The following RAD51B variants were observed in gnomAD, a reference collection of about 807,000 sequenced individuals.
RAD51B encodes DNA repair protein RAD51 homolog 2.
A neutral mutation model predicts 42.2 loss-of-function variants in RAD51B; 38 were observed. The ratio of observed to expected loss-of-function variants is 0.90; its 90% CI spans 0.70 to 1.18. The LOEUF (loss-of-function observed/expected upper bound fraction) is 1.18. Ranked by LOEUF, RAD51B falls within the 50% of genes most tolerant of loss-of-function variation. The pLI is 0.00. For synonymous variants in RAD51B, 154 were observed against 145.2 expected (o/e 1.06, Z -0.43); for missense variants, 373 against 400.7 (o/e 0.93, Z 0.59).
chr14:68,286,282 T>C (rs76257021), intron 7 of RAD51B, among the ~76,000 whole-genome samples: 1 of 152,182 alleles, frequency 6.6e-6, no homozygotes, highest in East Asian at 1.9e-4. Context: ...AAAATGGGGA[T>C]TACAAAATTT....
At chr14:68,434,364 G>T (rs957928424) in intron 9 of RAD51B, among the ~76,000 whole-genome samples, 1 of 152,170 alleles carries the variant, frequency 6.6e-6, no homozygotes, top group Non-Finnish European at 1.5e-5. Context: ...GAAGCAGGCA[G>T]GCCTCCTTGA....
chr14:68,422,991 T>C (rs2084746689), intron 9 of RAD51B, among the ~76,000 whole-genome samples: 1 of 152,190 alleles, frequency 6.6e-6, no homozygotes, highest in Non-Finnish European at 1.5e-5. Context: ...AAGTTTCTCT[T>C]CTTACCTTGG....
At chr14:68,580,518 C>G (rs1335020658) in intron 10 of RAD51B, among the ~76,000 whole-genome samples, 1 of 152,166 alleles carries the variant, frequency 6.6e-6, no homozygotes, top group East Asian at 1.9e-4. Flanking sequence ...GTGTTTGGGA[C>G]AGTGACCCGC....
In RAD51B at chr14:68,374,843, A is replaced by G. The variant is rs569885809; in HGVS notation, c.854-36581A>G. ...CTGAAACCGTAAAGAGCTCAGTTTT[A>G]CCTGCGCTGAGGGATCACTAAATTC... On this transcript the variant is annotated intron_variant, in intron 8 of 10. Coordinates refer to ENST00000471583, the MANE Select transcript of RAD51B (RefSeq NM_133510.4). 6.8e-4 allele frequency among the ~76,000 whole-genome samples: 102 copies of G among 151,048 alleles called. 5 individuals are homozygous for G. Among genetic ancestry groups the G allele is most frequent in the Non-Finnish European group, 1.6e-4 (11 of 67,852 alleles).
chr14:68,013,596 AG>A (rs1309669699), intron 7 of RAD51B, among the ~76,000 whole-genome samples: 1 of 152,206 alleles, frequency 6.6e-6, no homozygotes, highest in Admixed American at 6.5e-5. Context: ...AATCCATAAC[AG>A]TCTTATTTTA....
intron 9 of RAD51B, among the ~76,000 whole-genome samples, chr14:68,433,084 C>T (rs1243220221): frequency 6.6e-6 from 1 of 152,246 alleles, no homozygotes; most frequent in Admixed American, 6.5e-5. Context: ...CCCCCACTCT[C>T]TTCTAGCTTG....
rs75142944 is a variant in RAD51B at position 68,513,079 on chromosome 14, G to A, written c.1036+44829G>A. On this transcript the variant is annotated intron_variant, in intron 10 of 10. Transcript: ENST00000487270. Reference sequence around the variant, plus strand: ...GTGATACATTAGGTCAGAGCAGTGGGCAGGGGCCAGCCATGGAAGTGGTGA... The same window carrying A: ...GTGATACATTAGGTCAGAGCAGTGGACAGGGGCCAGCCATGGAAGTGGTGA... Among the ~76,000 whole-genome samples the A allele has an allele frequency of 0.046, 7,040 of 152,268 alleles. 198 individuals are homozygous for A. Among genetic ancestry groups the A allele is most frequent in the Non-Finnish European group, 0.063 (4,316 of 68,022 alleles).
At chr14:68,173,409 A>G (rs915534522) in intron 7 of RAD51B, among the ~76,000 whole-genome samples, 2 of 152,198 alleles carry the variant, frequency 1.3e-5, no homozygotes, top group Non-Finnish European at 2.9e-5. Flanking sequence ...CCAAGATTTT[A>G]TTATCCAAGA....
intron 7 of RAD51B, among the ~76,000 whole-genome samples, chr14:68,043,899 A>G (rs1247969539): frequency 6.6e-6 from 1 of 152,230 alleles, no homozygotes; most frequent in Non-Finnish European, 1.5e-5. Context: ...CTTTTCCATT[A>G]CTGTTTGCAG....
chr14:68,353,356 G>C (rs575965552), intron 8 of RAD51B, among the ~76,000 whole-genome samples: 2 of 152,344 alleles, frequency 1.3e-5, no homozygotes, highest in South Asian at 2.1e-4. Flanking sequence ...ATTTTAGCGA[G>C]AGGATATGAG....
intron 7 of RAD51B, among the ~76,000 whole-genome samples, chr14:68,013,917 G>A (rs1052833656): frequency 6.6e-6 from 1 of 152,112 alleles, no homozygotes; most frequent in African/African-American, 2.4e-5. Flanking sequence ...GCCCAGATGA[G>A]TACATGTTAT....
intron 7 of RAD51B, among the ~76,000 whole-genome samples, chr14:68,217,759 CAG>C (rs1243519670): frequency 2.0e-5 from 3 of 152,106 alleles, no homozygotes; most frequent in African/African-American, 4.8e-5. Flanking sequence ...GAATTTGGAG[CAG>C]AGAGTCGGGC....
chr14:68,367,180 G>A (rs1326766490), intron 8 of RAD51B, among the ~76,000 whole-genome samples: 1 of 152,196 alleles, frequency 6.6e-6, no homozygotes, highest in Non-Finnish European at 1.5e-5. Flanking sequence ...CAACCCGAAA[G>A]CCTCTTCAAA....
At chr14:68,407,292 T>A (rs986520490) in intron 8 of RAD51B, among the ~76,000 whole-genome samples, 1 of 152,190 alleles carries the variant, frequency 6.6e-6, no homozygotes, top group Non-Finnish European at 1.5e-5. Context: ...ACTAAACTGG[T>A]TATTATAAGT....
At chr14:68,028,076 G>C (rs1220738011) in intron 7 of RAD51B, among the ~76,000 whole-genome samples, 1 of 152,194 alleles carries the variant, frequency 6.6e-6, no homozygotes. Context: ...GTTTCATGGA[G>C]TTAGGGGGGC....
intron 7 of RAD51B, among the ~76,000 whole-genome samples, chr14:68,070,125 G>A (rs182769960): frequency 9.0e-4 from 137 of 151,964 alleles, no homozygotes; most frequent in Non-Finnish European, 1.7e-3. Flanking sequence ...GTTTTTTAAT[G>A]AAGTTTCTCA....
chr14:67,986,655 CTCT>C (rs1453162700), intron 7 of RAD51B, among the ~76,000 whole-genome samples: 2 of 152,184 alleles, frequency 1.3e-5, no homozygotes, highest in Non-Finnish European at 2.9e-5. Flanking sequence ...AGTAAAAGAT[CTCT>C]TATTATCCTT....
chr14:68,343,399 G>C (rs1297757177), intron 8 of RAD51B, among the ~76,000 whole-genome samples: 1 of 152,110 alleles, frequency 6.6e-6, no homozygotes, highest in Non-Finnish European at 1.5e-5. Flanking sequence ...TTTAGGGTCA[G>C]GTCTAAAATA....
At chr14:68,134,423 T>C (rs1433632728) in intron 7 of RAD51B, among the ~76,000 whole-genome samples, 1 of 152,180 alleles carries the variant, frequency 6.6e-6, no homozygotes, top group Non-Finnish European at 1.5e-5. Context: ...TGTACAAATT[T>C]CTATGAGAAA....
Sources: allele counts gnomAD v4.1 joint callset (sites outside exome capture counted in the v4.1 genomes callset), GRCh38; gene constraint gnomAD v4.1.1; transcripts MANE v1.5; gene names NCBI Gene and HGNC (gene_info 2026-07-23, HGNC 2026-07-21).